Variants in MAPK4 observed in about 807,000 individuals in gnomAD.
The protein encoded by MAPK4 is Erk3-related.
A neutral mutation model predicts 47.7 loss-of-function variants in MAPK4; 22 were observed. The ratio of observed to expected loss-of-function variants is 0.46; its 90% CI spans 0.33 to 0.66. The LOEUF is 0.66. MAPK4 is among the 30% of genes least tolerant of loss of function. MAPK4 has a pLI of 0.02. For missense variants in MAPK4, 736 were observed against 831.7 expected (o/e 0.88, Z 1.42); for synonymous variants, 390 against 365.7 (o/e 1.07, Z -0.76).
At chr18:50,723,586 GGT>G (rs1911040191) in intron 4 of MAPK4, among the ~76,000 whole-genome samples, 1 of 152,220 alleles carries the variant, frequency 6.6e-6, no homozygotes, top group Admixed American at 6.5e-5. Flanking sequence ...TTCTGGGGCA[GGT>G]GTGGTGGCTC....
At chr18:50,612,833 G>T (rs2042650856) in intron 1 of MAPK4, among the ~76,000 whole-genome samples, 1 of 152,170 alleles carries the variant, frequency 6.6e-6, no homozygotes, top group African/African-American at 2.4e-5. Context: ...AAAGTGACAG[G>T]TTCCCATCTT....
chr18:50,659,276 G>A (rs2144235223), intron 1 of MAPK4, among the ~76,000 whole-genome samples: 1 of 152,314 alleles, frequency 6.6e-6, no homozygotes, highest in South Asian at 2.1e-4. Flanking sequence ...ACCTAGAACT[G>A]TGCAGTGCAT....
At chr18:50,608,900 T>A (rs2042606551) in intron 1 of MAPK4, among the ~76,000 whole-genome samples, 1 of 151,984 alleles carries the variant, frequency 6.6e-6, no homozygotes, top group Admixed American at 6.6e-5. Context: ...CCTGGGTACT[T>A]GAGATTAGGG....
At chr18:50,723,362 C>T (rs1289391091) in intron 4 of MAPK4, among the ~76,000 whole-genome samples, 1 of 152,186 alleles carries the variant, frequency 6.6e-6, no homozygotes, top group Non-Finnish European at 1.5e-5. Flanking sequence ...CAGCCCCAGG[C>T]ACACAGCCAT....
intron 1 of MAPK4, among the ~76,000 whole-genome samples, chr18:50,589,867 T>C (rs966825729): frequency 6.6e-6 from 1 of 152,218 alleles, no homozygotes; most frequent in Non-Finnish European, 1.5e-5. Context: ...GAGCTTCCAT[T>C]GTCCTGTGCG....
chr18:50,681,362 T>C (rs1267269431), intron 2 of MAPK4, among the ~76,000 whole-genome samples: 1 of 152,222 alleles, frequency 6.6e-6, no homozygotes, highest in Non-Finnish European at 1.5e-5. Context: ...ACTCAAGTTC[T>C]TTTGTGTTGT....
At chr18:50,646,748 C>G (rs2144196220) in intron 1 of MAPK4, among the ~76,000 whole-genome samples, 1 of 152,194 alleles carries the variant, frequency 6.6e-6, no homozygotes, top group East Asian at 1.9e-4. Flanking sequence ...ATTTTTCTAC[C>G]TGTGGCCTCC....
chr18:50,605,172 A>G (rs1481109564), intron 1 of MAPK4, among the ~76,000 whole-genome samples: 1 of 152,224 alleles, frequency 6.6e-6, no homozygotes, highest in Admixed American at 6.5e-5. Context: ...TAAGTGACTT[A>G]TGTAAAGTCA....
At chr18:50,562,806 A>G (rs2042165697) in intron 1 of MAPK4, among the ~76,000 whole-genome samples, 1 of 152,260 alleles carries the variant, frequency 6.6e-6, no homozygotes, top group South Asian at 2.1e-4. Context: ...TTCATGAGAT[A>G]AACATGTAAA....
At chr18:50,639,190 T>C (rs544831545) in intron 1 of MAPK4, among the ~76,000 whole-genome samples, 1 of 152,190 alleles carries the variant, frequency 6.6e-6, no homozygotes, top group African/African-American at 2.4e-5. Flanking sequence ...TGAGCAGCCT[T>C]GAAGACATAA....
At chr18:50,629,329 C>T (rs1377278939) in intron 1 of MAPK4, 6 of 152,218 alleles carry the variant, frequency 3.9e-5, no homozygotes. Context: ...GAGCAAACAA[C>T]AGTGTGATTA....
intron 1 of MAPK4, among the ~76,000 whole-genome samples, chr18:50,590,203 A>C (rs1351861938): frequency 2.0e-5 from 3 of 152,358 alleles, no homozygotes; most frequent in African/African-American, 7.2e-5. Flanking sequence ...AGTTCTTGGG[A>C]ATAAAGCCTC....
At chr18:50,577,509 A>G (rs1238544625) in intron 1 of MAPK4, among the ~76,000 whole-genome samples, 1 of 152,162 alleles carries the variant, frequency 6.6e-6, no homozygotes, top group Non-Finnish European at 1.5e-5. Flanking sequence ...ATTTTTTGTG[A>G]AGCTGCTTAG....
intron 1 of MAPK4, among the ~76,000 whole-genome samples, chr18:50,643,300 G>T (rs2042956575): frequency 6.6e-6 from 1 of 152,190 alleles, no homozygotes. Flanking sequence ...ATCACTCAAG[G>T]TCAGGAGTTT....
At chr18:50,572,535 G>T (rs1008279347) in intron 1 of MAPK4, among the ~76,000 whole-genome samples, 7 of 152,084 alleles carry the variant, frequency 4.6e-5, no homozygotes, top group Admixed American at 4.6e-4. Context: ...CAGTGAATTT[G>T]TTAATACTGA....
At chr18:50,683,768 T>G (rs369351261) in intron 2 of MAPK4, among the ~76,000 whole-genome samples, 7 of 152,106 alleles carry the variant, frequency 4.6e-5, no homozygotes, top group African/African-American at 1.4e-4. Flanking sequence ...GAGGAGAAGT[T>G]TCCTCCCTCC....
At chr18:50,599,804 T>C (rs1447030001) in intron 1 of MAPK4, among the ~76,000 whole-genome samples, 1 of 152,148 alleles carries the variant, frequency 6.6e-6, no homozygotes, top group Non-Finnish European at 1.5e-5. Context: ...TCAGCCTGAG[T>C]AACTTTCCAC....
chr18:50,563,690 A>G lies in MAPK4; in HGVS notation c.-871+3447A>G, dbSNP rs2042173856. Among the ~76,000 whole-genome samples the G allele has an allele frequency of 2.0e-5, 3 of 152,120 alleles. No individual in the cohort carries two copies. In the South Asian group the frequency reaches 6.2e-4, roughly 32 times the overall value. ...TCCCTCCTTGCAGGTTCAGGCAGAA[A>G]GAGTCGGTAGGGTAGGTGACACTTA... On this transcript the variant is annotated intron_variant, in intron 1 of 5. Coordinates refer to ENST00000400384, the MANE Select transcript of MAPK4 (RefSeq NM_002747.4).
Position 50,729,822 on chromosome 18 carries a change from C to T in MAPK4, c.1732C>T (p.Gln578Ter). The change falls in exon 6 of 6, where the codon CAG becomes TAG. Residue 578 changes from glutamine to a stop codon, truncating the protein, a stop_gained. Transcript: ENST00000400384. LOFTEE classifies it high-confidence loss of function. ...CIPEHPGDLV[Q>*]TEAFSKERW Reference sequence around the variant, plus strand: ...CCCCGAGCACCCTGGCGACCTCGTGCAGACCGAGGCCTTCTCCAAAGAAAG... The same window carrying T: ...CCCCGAGCACCCTGGCGACCTCGTGTAGACCGAGGCCTTCTCCAAAGAAAG... 6.2e-7 allele frequency: 1 copy of T among 1,612,004 alleles called. No homozygotes were observed. The highest frequency in any genetic ancestry group is 8.5e-7 in the Non-Finnish European group (1 of 1,179,530).
Sources: allele counts gnomAD v4.1 joint callset (sites outside exome capture counted in the v4.1 genomes callset), GRCh38; gene constraint gnomAD v4.1.1; transcripts MANE v1.5; gene names NCBI Gene and HGNC (gene_info 2026-07-23, HGNC 2026-07-21).